Variants in PCDHA11 observed in about 807,000 individuals in gnomAD.
PCDHA11 encodes the protein protocadherin alpha-11.
Under a neutral mutation model 70.3 loss-of-function variants are expected in PCDHA11, and 61 were observed. The ratio of observed to expected loss-of-function variants is 0.87; its 90% CI spans 0.71 to 1.07. The LOEUF (loss-of-function observed/expected upper bound fraction) is 1.07. Ranked by LOEUF, PCDHA11 falls within the 50% of genes least tolerant of loss-of-function variation. PCDHA11 has a pLI of 0.00. For synonymous variants in PCDHA11, 633 were observed against 555.1 expected (o/e 1.14, Z -1.97); for missense variants, 1,324 against 1,237.5 (o/e 1.07, Z -1.05).
rs201937079 is a variant in PCDHA11 at position 140,870,716 on chromosome 5, A to G, written c.1613A>G (p.Asp538Gly). 15 of 1,613,024 alleles carry G rather than the reference A, an allele frequency of 9.3e-6. No individual in the cohort carries two copies. The highest frequency in any genetic ancestry group is 1.2e-5 in the Non-Finnish European group (14 of 1,179,860). The change falls in exon 1 of 4, where the codon GAT becomes GGT. Residue 538 changes from aspartate to glycine, a missense_variant. By Grantham distance (94) the Asp-to-Gly change is moderately conservative (BLOSUM62 -1). Coordinates refer to ENST00000398640, the MANE Select transcript of PCDHA11 (RefSeq NM_018902.5). ...CTACAGTTCCAGGTGAGCGCGCGCG[A>G]TGCGGGCGTGCCGCCTCTGAGCAGC... is the stretch of plus-strand genomic sequence containing the variant. ...ELLQFQVSAR[D>G]AGVPPLSSNV...
At chr5:140,883,329 C>T (rs1554177701) in intron 1 of PCDHA11, 1 of 1,614,166 alleles carries the variant, frequency 6.2e-7, no homozygotes. Context: ...ACCATCACTT[C>T]TTTGTCACTC....
intron 1 of PCDHA11, among the ~76,000 whole-genome samples, chr5:140,964,516 C>G (rs1410737676): frequency 6.6e-6 from 1 of 152,006 alleles, no homozygotes; most frequent in African/African-American, 2.4e-5. Flanking sequence ...ACCCAGTGGC[C>G]AGGTCTCTGA....
At chr5:140,883,165 T>C in intron 1 of PCDHA11, 1 of 1,613,752 alleles carries the variant, frequency 6.2e-7, no homozygotes, top group Non-Finnish European at 8.5e-7. Context: ...ATCCGAACAA[T>C]GGAGAAATTA....
At chr5:140,973,342 A>ATAGTAATT (rs1437052159) in intron 1 of PCDHA11, among the ~76,000 whole-genome samples, 4 of 152,344 alleles carry the variant, frequency 2.6e-5, no homozygotes, top group Admixed American at 2.6e-4. Context: ...GTAAAGTGAC[A>ATAGTAATT]TAGTAGTGAA....
At chr5:140,875,958 C>G (rs1312300687) in intron 1 of PCDHA11, 4 of 1,614,080 alleles carry the variant, frequency 2.5e-6, no homozygotes, top group Non-Finnish European at 3.4e-6. Flanking sequence ...ATGCGGATAT[C>G]GGCGTAAACT....
chr5:140,972,987 T>C (rs2096567014), intron 1 of PCDHA11, among the ~76,000 whole-genome samples: 1 of 152,044 alleles, frequency 6.6e-6, no homozygotes, highest in Admixed American at 6.6e-5. Flanking sequence ...TAAGGTAGAT[T>C]CTGTGCATTT....
intron 3 of PCDHA11, among the ~76,000 whole-genome samples, chr5:140,997,106 C>T (rs2153943751): frequency 6.6e-6 from 1 of 152,162 alleles, no homozygotes; most frequent in South Asian, 2.1e-4. Context: ...CTCATGCACT[C>T]CTGCTCTCCC....
intron 1 of PCDHA11, chr5:140,884,515 G>T: frequency 6.2e-6 from 10 of 1,614,176 alleles, no homozygotes; most frequent in South Asian, 1.1e-5. Context: ...GGAGTTGGTC[G>T]TACTCGCAGC....
At position 140,870,717 on chromosome 5, in the gene PCDHA11, T is replaced by G; in HGVS notation, c.1614T>G (p.Asp538Glu). The change falls in exon 1 of 4, where the codon GAT (aspartate) becomes GAG (glutamate). Residue 538 changes from aspartate (D) to glutamate (E), a missense_variant. By Grantham distance (45) the Asp-to-Glu change is conservative. Coordinates refer to ENST00000398640, the MANE Select transcript of PCDHA11 (RefSeq NM_018902.5). ...TACAGTTCCAGGTGAGCGCGCGCGA[T>G]GCGGGCGTGCCGCCTCTGAGCAGCA... ...ELLQFQVSAR[D>E]AGVPPLSSNV... is the part of the protein sequence containing the mutation. The G allele has an allele frequency of 6.2e-7, 1 of 1,613,180 alleles. No individual in the cohort carries two copies.
In PCDHA11 at chr5:140,871,118, G is replaced by T. The variant is rs1554165149; in HGVS notation, c.2015G>T (p.Gly672Val). Reference sequence around the variant, plus strand: ...GTGCTGGTGTCGTTGGTGGAGAGCGGACAGGCGCCAAAGGCCTCTTCCCGG... The same window carrying T: ...GTGCTGGTGTCGTTGGTGGAGAGCGTACAGGCGCCAAAGGCCTCTTCCCGG... The part of the protein sequence containing the change: ...ATVLVSLVES[G>V]QAPKASSRTL... The change falls in exon 1 of 4, where the codon GGA becomes GTA. Residue 672 changes from glycine (G) to valine (V), a missense_variant. Physicochemically the swap from Gly to Val is moderately radical, Grantham distance 109 (BLOSUM62 -3). Transcript: ENST00000398640. 6.2e-7 allele frequency: 1 copy of T among 1,613,306 alleles called. No homozygotes were observed. The highest frequency in any genetic ancestry group is 1.3e-5 in the African/African-American group (1 of 75,060).
chr5:140,937,835 C>T (rs782666689), intron 1 of PCDHA11, among the ~76,000 whole-genome samples: 3 of 151,520 alleles, frequency 2.0e-5, no homozygotes, highest in Non-Finnish European at 2.9e-5. Context: ...TGGCATGAAC[C>T]TGGAAGGCGG....
Position 140,896,583 on chromosome 5 carries a change from GC to G in PCDHA11, c.2391+25091del, listed in dbSNP as rs1194968470. The stretch of plus-strand genomic sequence containing the variant: ...GTAGAGATGGGGTTTTGACGTGTTG[GC>G]CAGGCTGGTCTCGAACTCCTGGTCT... On this transcript the variant is annotated intron_variant, in intron 1 of 3. Coordinates refer to ENST00000398640, the MANE Select transcript of PCDHA11 (RefSeq NM_018902.5). Among the ~76,000 whole-genome samples, 4 of 151,654 alleles carry G rather than the reference GC, an allele frequency of 2.6e-5. No individual in the cohort carries two copies. In the East Asian group the frequency reaches 7.8e-4, roughly 29 times the overall value.
chr5:140,986,461 C>T (rs1554248079), intron 3 of PCDHA11, among the ~76,000 whole-genome samples: 1 of 152,154 alleles, frequency 6.6e-6, no homozygotes. Context: ...TTAATGAATG[C>T]CCTCTTGTGA....
chr5:140,988,642 T>C (rs981488031), intron 3 of PCDHA11, among the ~76,000 whole-genome samples: 22 of 152,212 alleles, frequency 1.4e-4, no homozygotes, highest in African/African-American at 5.3e-4. Context: ...TTTCTGAAAT[T>C]AAACATTTTT....
At position 140,924,955 on chromosome 5, in the gene PCDHA11, T is replaced by C. The variant is rs571597374; in HGVS notation, c.2391+53461T>C. Among the ~76,000 whole-genome samples, 96 of 145,332 alleles carry C rather than the reference T, an allele frequency of 6.6e-4. 1 individual carries two copies. The South Asian group carries it at 0.02, about 30-fold the overall frequency. The stretch of plus-strand genomic sequence containing the variant: ...ATAAAATAAAAAGTTAAAAAAAAAA[T>C]GCAAGGTGAGTGCAGTGGCTCATGT... On this transcript the variant is annotated intron_variant, in intron 1 of 3. Transcript: ENST00000398640.
intron 1 of PCDHA11, among the ~76,000 whole-genome samples, chr5:140,908,277 T>C (rs2073893618): frequency 6.6e-6 from 1 of 152,162 alleles, no homozygotes; most frequent in Non-Finnish European, 1.5e-5. Context: ...CATGAGGCCA[T>C]TGTTGCAAGC....
intron 1 of PCDHA11, among the ~76,000 whole-genome samples, chr5:140,896,063 G>A (rs531616608): frequency 1.4e-3 from 217 of 152,130 alleles, no homozygotes; most frequent in African/African-American, 4.7e-3. Flanking sequence ...CGCCTGCCTC[G>A]GCCTCCCAAC....
intron 1 of PCDHA11, among the ~76,000 whole-genome samples, chr5:140,918,436 A>T (rs2078697265): frequency 6.6e-6 from 1 of 152,092 alleles, no homozygotes; most frequent in Admixed American, 6.6e-5. Context: ...GTTGAATAGG[A>T]GTGGTGACAG....
intron 1 of PCDHA11, among the ~76,000 whole-genome samples, chr5:140,946,631 T>TATACATACAC (rs57893927): frequency 7.6e-6 from 1 of 131,846 alleles, no homozygotes; most frequent in Non-Finnish European, 1.5e-5. Context: ...TATATATATA[T>TATACATACAC]ACAATGGAAT....
Sources: gnomAD v4.1 joint callset for allele counts (sites outside exome capture counted in the v4.1 genomes callset) on GRCh38, gnomAD v4.1.1 for gene constraint, MANE v1.5 for transcripts, NCBI Gene and HGNC (gene_info 2026-07-23, HGNC 2026-07-21) for gene names.